The following NKAIN3 variants were observed in gnomAD, a reference collection of about 807,000 sequenced individuals.
NKAIN3 encodes the protein sodium/potassium-transporting ATPase subunit beta-1-interacting protein 3.
Under a neutral mutation model 30.2 loss-of-function variants are expected in NKAIN3, and 25 were observed. The observed-to-expected ratio is 0.83, with a 90% CI of 0.60 to 1.16. NKAIN3 has a LOEUF of 1.16. NKAIN3 is among the 50% of genes most tolerant of loss of function. NKAIN3 has a pLI of 0.00. For missense variants in NKAIN3, 225 were observed against 254.1 expected (o/e 0.89, Z 0.78); for synonymous variants, 91 against 89.6 (o/e 1.02, Z -0.09).
intron 1 of NKAIN3, among the ~76,000 whole-genome samples, chr8:62,256,039 T>G (rs934108139): frequency 6.6e-6 from 1 of 152,124 alleles, no homozygotes; most frequent in Non-Finnish European, 1.5e-5. Flanking sequence ...CTAAGGCTAT[T>G]AGGAGCAAAC....
chr8:62,735,159 C>T (rs1009702703), intron 3 of NKAIN3, among the ~76,000 whole-genome samples: 4 of 152,132 alleles, frequency 2.6e-5, no homozygotes, highest in Admixed American at 2.6e-4. Flanking sequence ...CTAGCAAAGT[C>T]AGGGAAGTTT....
intron 1 of NKAIN3, among the ~76,000 whole-genome samples, chr8:62,344,321 A>G (rs1320706111): frequency 6.6e-6 from 1 of 152,156 alleles, no homozygotes; most frequent in Non-Finnish European, 1.5e-5. Flanking sequence ...AATTATGTAC[A>G]TATATTATAC....
intron 5 of NKAIN3, among the ~76,000 whole-genome samples, chr8:62,940,150 T>A (rs1396144552): frequency 4.8e-5 from 7 of 145,434 alleles, no homozygotes; most frequent in African/African-American, 2.5e-5. Context: ...CAACAACAGT[T>A]AAAAAAAAAA....
chr8:62,300,663 A>G (rs1814014727), intron 1 of NKAIN3, among the ~76,000 whole-genome samples: 1 of 152,128 alleles, frequency 6.6e-6, no homozygotes, highest in South Asian at 2.1e-4. Context: ...TTTATCTTAC[A>G]TTTTTGCATT....
At chr8:62,257,096 G>A (rs987884339) in intron 1 of NKAIN3, among the ~76,000 whole-genome samples, 2 of 151,952 alleles carry the variant, frequency 1.3e-5, no homozygotes, top group South Asian at 4.2e-4. Flanking sequence ...TTTTTTTGTG[G>A]CAAGACATTT....
chr8:62,504,226 C>T (rs1323715443), intron 1 of NKAIN3, among the ~76,000 whole-genome samples: 1 of 152,078 alleles, frequency 6.6e-6, no homozygotes, highest in Non-Finnish European at 1.5e-5. Flanking sequence ...AAACTGTCCC[C>T]CCACCACCAG....
intron 1 of NKAIN3, among the ~76,000 whole-genome samples, chr8:62,560,825 G>A (rs1178188475): frequency 2.0e-5 from 3 of 152,056 alleles, no homozygotes; most frequent in Non-Finnish European, 4.4e-5. Flanking sequence ...ACAGGGGTGA[G>A]CCATCACGGA....
At chr8:62,373,139 G>A (rs1816960726) in intron 1 of NKAIN3, among the ~76,000 whole-genome samples, 1 of 152,128 alleles carries the variant, frequency 6.6e-6, no homozygotes, top group African/African-American at 2.4e-5. Context: ...TAAGTGCCAG[G>A]ATCTGTGTGA....
intron 3 of NKAIN3, among the ~76,000 whole-genome samples, chr8:62,603,613 T>G (rs1811044141): frequency 6.6e-6 from 1 of 152,128 alleles, no homozygotes; most frequent in Non-Finnish European, 1.5e-5. Context: ...CTGAGCCCCA[T>G]GCTATAATGG....
rs574758016 is a variant in NKAIN3 at position 62,546,364 on chromosome 8, GC to G, written c.55-33173del. On this transcript the variant is annotated intron_variant, in intron 1 of 6. Coordinates refer to ENST00000623646, the MANE Select transcript of NKAIN3 (RefSeq NM_001304533.3). ...CACTGGCTACCAAAAAAAAGCAGAA[GC>G]CAGTTTCAGAGTTGCTATGGCTGTT... 2.6e-4 allele frequency among the ~76,000 whole-genome samples: 40 copies of G among 152,274 alleles called. 1 individual carries two copies. The highest frequency in any genetic ancestry group is 3.4e-3 in the Middle Eastern group (1 of 294).
chr8:62,529,162 A>G (rs112589917), intron 1 of NKAIN3, among the ~76,000 whole-genome samples: 344 of 152,208 alleles, frequency 2.3e-3, no homozygotes, highest in African/African-American at 8.0e-3. Flanking sequence ...CCATAATTCA[A>G]CCTGTTTATC....
intron 1 of NKAIN3, among the ~76,000 whole-genome samples, chr8:62,313,841 A>G (rs1814528296): frequency 6.6e-6 from 1 of 152,096 alleles, no homozygotes; most frequent in Non-Finnish European, 1.5e-5. Context: ...AATATTCCAT[A>G]CTCATTCATA....
intron 4 of NKAIN3, among the ~76,000 whole-genome samples, chr8:62,854,099 G>A (rs1329510965): frequency 6.6e-6 from 1 of 152,190 alleles, no homozygotes; most frequent in Non-Finnish European, 1.5e-5. Flanking sequence ...TGCATTTGCT[G>A]AGGAGTGTTT....
chr8:62,326,789 A>G (rs1186366418), intron 1 of NKAIN3, among the ~76,000 whole-genome samples: 1 of 151,780 alleles, frequency 6.6e-6, no homozygotes, highest in Non-Finnish European at 1.5e-5. Flanking sequence ...TTGAGCCACT[A>G]CTTTCAATTC....
At chr8:62,697,286 A>T (rs905479890) in intron 3 of NKAIN3, among the ~76,000 whole-genome samples, 1 of 151,486 alleles carries the variant, frequency 6.6e-6, no homozygotes, top group Non-Finnish European at 1.5e-5. Flanking sequence ...CTACTTGCCT[A>T]CTCTGTTCCA....
At chr8:62,365,984 A>T (rs1816725651) in intron 1 of NKAIN3, among the ~76,000 whole-genome samples, 1 of 152,180 alleles carries the variant, frequency 6.6e-6, no homozygotes. Context: ...GTATTCGTTC[A>T]TCTTTAAATG....
At chr8:62,377,775 CTTT>C (rs1817137488) in intron 1 of NKAIN3, among the ~76,000 whole-genome samples, 1 of 152,166 alleles carries the variant, frequency 6.6e-6, no homozygotes, top group African/African-American at 2.4e-5. Flanking sequence ...TGGAGAGCTG[CTTT>C]CCGCCATGGT....
intron 5 of NKAIN3, among the ~76,000 whole-genome samples, chr8:62,932,755 T>C (rs1822658841): frequency 2.0e-5 from 3 of 152,114 alleles, no homozygotes; most frequent in African/African-American, 7.2e-5. Flanking sequence ...TTTGTTTTTT[T>C]AGAGACAGGG....
chr8:62,490,014 T>C (rs547344753), intron 1 of NKAIN3, among the ~76,000 whole-genome samples: 2 of 152,338 alleles, frequency 1.3e-5, no homozygotes, highest in South Asian at 4.1e-4. Flanking sequence ...TATCAGATGC[T>C]AAATAAATTA....
Sources: allele counts gnomAD v4.1 joint callset (sites outside exome capture counted in the v4.1 genomes callset), GRCh38; gene constraint gnomAD v4.1.1; transcripts MANE v1.5; gene names NCBI Gene and HGNC (gene_info 2026-07-23, HGNC 2026-07-21).